Variants in CABIN1 observed in about 807,000 individuals in gnomAD.
The protein encoded by CABIN1 is calcineurin binding protein 1.
Under a neutral mutation model 227.7 loss-of-function variants are expected in CABIN1, and 133 were observed. The ratio of observed to expected loss-of-function variants is 0.58; its 90% CI spans 0.51 to 0.67. CABIN1 has a LOEUF of 0.67. Ranked by LOEUF, CABIN1 falls within the 30% of genes least tolerant of loss-of-function variation. The pLI is 0.00. For synonymous variants in CABIN1, 1,086 were observed against 1,155.1 expected (o/e 0.94, Z 1.21); for missense variants, 2,408 against 2,852.5 (o/e 0.84, Z 3.55).
chr22:24,125,836 A>C (rs1175928210), intron 28 of CABIN1, among the ~76,000 whole-genome samples: 1 of 152,206 alleles, frequency 6.6e-6, no homozygotes, highest in Non-Finnish European at 1.5e-5. Flanking sequence ...TTCTGAACTT[A>C]GGAATCTTGA....
chr22:24,135,141 A>G (rs1359057496), intron 29 of CABIN1, among the ~76,000 whole-genome samples: 6 of 151,694 alleles, frequency 4.0e-5, no homozygotes, highest in African/African-American at 1.5e-4. Context: ...CTGTAATCCC[A>G]GCACTTTGGG....
At chr22:24,086,962 A>G (rs926593347) in intron 22 of CABIN1, among the ~76,000 whole-genome samples, 16 of 152,090 alleles carry the variant, frequency 1.1e-4, no homozygotes, top group Non-Finnish European at 1.9e-4. Flanking sequence ...CTGGTTGGCA[A>G]ATGTGCTAAT....
At position 24,133,165 on chromosome 22, in the gene CABIN1, C is replaced by T. The variant is rs968676737; in HGVS notation, c.4633-1137C>T. ...GAATGGAGCCTCCTACATACAGCCA[C>T]AGGGCCCTCCCTGCCCAGTGTTCAG... On this transcript the variant is annotated intron_variant, in intron 28 of 36. Transcript: ENST00000263119. Among the ~76,000 whole-genome samples, 53 of 152,180 alleles carry T rather than the reference C, an allele frequency of 3.5e-4. 1 individual carries two copies.
chr22:24,079,379 T>C (rs2040658443), intron 19 of CABIN1, among the ~76,000 whole-genome samples: 1 of 152,232 alleles, frequency 6.6e-6, no homozygotes, highest in Non-Finnish European at 1.5e-5. Flanking sequence ...AGAGGTTGTT[T>C]TATGTATACA....
At position 24,083,404 on chromosome 22, in the gene CABIN1, A is replaced by G. The variant is rs762356744; in HGVS notation, c.2910+15A>G. The G allele has an allele frequency of 9.9e-6, 16 of 1,613,620 alleles. No individual in the cohort carries two copies. Among genetic ancestry groups the G allele is most frequent in the African/African-American group, 1.3e-5 (1 of 74,934 alleles). On this transcript the variant is annotated intron_variant, in intron 20 of 36. Transcript: ENST00000263119. ...CGGCCCAGCAGGTGAGGGTGCTGCAATAGGCCCAACAAAGAGGGAAGCAGG... is the reference window on the plus strand; with the variant it reads ...CGGCCCAGCAGGTGAGGGTGCTGCAGTAGGCCCAACAAAGAGGGAAGCAGG...
At chr22:24,128,136 A>G (rs1225679611) in intron 28 of CABIN1, among the ~76,000 whole-genome samples, 1 of 152,158 alleles carries the variant, frequency 6.6e-6, no homozygotes, top group Non-Finnish European at 1.5e-5. Flanking sequence ...ACTCTCAGGA[A>G]TGTTGGGTGC....
intron 27 of CABIN1, among the ~76,000 whole-genome samples, chr22:24,115,677 G>A (rs766766320): frequency 1.4e-4 from 21 of 152,276 alleles, no homozygotes; most frequent in Non-Finnish European, 2.5e-4. Context: ...TCTCCCATTG[G>A]GTAGCAGCCT....
chr22:24,044,248 T>A (rs2037668194), intron 6 of CABIN1, among the ~76,000 whole-genome samples: 1 of 152,246 alleles, frequency 6.6e-6, no homozygotes, highest in East Asian at 1.9e-4. Flanking sequence ...TCAGATGATC[T>A]TTGAATCATC....
At chr22:24,096,244 C>T (rs1378276410) in intron 25 of CABIN1, among the ~76,000 whole-genome samples, 162 bp downstream of exon 25, 1 of 152,154 alleles carries the variant, frequency 6.6e-6, no homozygotes, top group Non-Finnish European at 1.5e-5. Flanking sequence ...TTTGCTGGGC[C>T]AAGGTATTTC....
chr22:24,134,133 G>A (rs555504798), intron 28 of CABIN1, among the ~76,000 whole-genome samples, 169 bp from the exon 29 acceptor site: 2 of 152,322 alleles, frequency 1.3e-5, no homozygotes, highest in Non-Finnish European at 2.9e-5. Flanking sequence ...ACAGCCTGAT[G>A]ATCAAAGCCC....
rs549853500 is a variant in CABIN1, at chr22:24,108,822, C to T, written c.4118-4744C>T. On this transcript the variant is annotated intron_variant, in intron 26 of 36. Transcript: ENST00000263119. ...TGTGTCAATGTTGCCCCCCCATCTA[C>T]ATGGTGCTGCTTAGGTATTGGCTCC... 1.4e-4 allele frequency among the ~76,000 whole-genome samples: 21 copies of T among 152,342 alleles called. 1 individual carries two copies. In the South Asian group the frequency reaches 4.4e-3, roughly 32 times the overall value.
chr22:24,137,878 C>T (rs140760064), intron 29 of CABIN1, among the ~76,000 whole-genome samples: 8 of 152,346 alleles, frequency 5.3e-5, no homozygotes, highest in Non-Finnish European at 8.8e-5. Context: ...TGGTAGATAG[C>T]CTTTAGGCTG....
chr22:24,130,115 A>G (rs1352195544), intron 28 of CABIN1, among the ~76,000 whole-genome samples: 1 of 152,156 alleles, frequency 6.6e-6, no homozygotes, highest in African/African-American at 2.4e-5. Context: ...AGGAGGGTCT[A>G]TGTGCACAAG....
chr22:24,027,146 A>G (rs1407712450), intron 1 of CABIN1, among the ~76,000 whole-genome samples: 2 of 152,294 alleles, frequency 1.3e-5, no homozygotes, highest in Admixed American at 6.5e-5. Flanking sequence ...TGTAAATGAT[A>G]TTCTTTTTTT....
At chr22:24,176,765 T>G (rs1308905021) in intron 35 of CABIN1, among the ~76,000 whole-genome samples, 1 of 152,216 alleles carries the variant, frequency 6.6e-6, no homozygotes, top group African/African-American at 2.4e-5. Context: ...CAGTCCGGCC[T>G]GTTCCCACCA....
intron 1 of CABIN1, among the ~76,000 whole-genome samples, chr22:24,026,938 T>C (rs1354982538): frequency 2.0e-5 from 3 of 152,242 alleles, no homozygotes; most frequent in African/African-American, 7.2e-5. Flanking sequence ...GTGATGTTTA[T>C]TGGGATTGCA....
At position 24,022,133 on chromosome 22, in the gene CABIN1, T is replaced by C. The variant is rs191617726; in HGVS notation, c.-75+10766T>C. On this transcript the variant is annotated intron_variant, in intron 1 of 36. Transcript: ENST00000263119. ...TTTTATTAGAATTTTTTTATACTTA[T>C]TATGTTTAATTAAATTATTTGACCT... Among the ~76,000 whole-genome samples the C allele has an allele frequency of 1.0e-3, 159 of 152,338 alleles. 1 individual carries two copies. Among genetic ancestry groups the C allele is most frequent in the Admixed American group, 4.2e-3 (65 of 15,306 alleles).
At chr22:24,016,767 A>G (rs2035317937) in intron 1 of CABIN1, among the ~76,000 whole-genome samples, 1 of 152,360 alleles carries the variant, frequency 6.6e-6, no homozygotes, top group East Asian at 1.9e-4. Flanking sequence ...GTGTATGAGA[A>G]TAGCGCCTGT....
chr22:24,123,095 G>C (rs1197561868), intron 28 of CABIN1, among the ~76,000 whole-genome samples: 1 of 152,110 alleles, frequency 6.6e-6, no homozygotes, highest in African/African-American at 2.4e-5. Context: ...GGTCATTTTG[G>C]TCATCTGTGA....
Sources: gnomAD v4.1 joint callset for allele counts (sites outside exome capture counted in the v4.1 genomes callset) on GRCh38, gnomAD v4.1.1 for gene constraint, MANE v1.5 for transcripts, NCBI Gene and HGNC (gene_info 2026-07-23, HGNC 2026-07-21) for gene names.